RECK: variants seen among roughly 807,000 people sequenced by gnomAD.
RECK encodes reversion-inducing cysteine-rich protein with Kazal motifs.
In RECK, 69 loss-of-function variants were observed where a neutral mutation model predicts 115.1. The observed-to-expected ratio is 0.60, with a 90% CI of 0.49 to 0.73. RECK has a LOEUF of 0.73. RECK is among the 30% of genes least tolerant of loss of function. The probability of loss-of-function intolerance (pLI) is 0.00; values close to 1 mark genes in which losing one functional copy is unlikely to be tolerated. For synonymous variants in RECK, 414 were observed against 419.7 expected, an observed-to-expected ratio of 0.99 and a Z score of 0.17; for missense variants, 1,047 against 1,203.7, an observed-to-expected ratio of 0.87 and a Z score of 1.93.
At chr9:36,080,572 A>C (rs765413348) in intron 6 of RECK, 33 bp from the exon 7 acceptor site, 1 of 1,555,000 alleles carries the variant, frequency 6.4e-7, no homozygotes, top group Non-Finnish European at 8.8e-7. Context: ...CTGGTTGTTA[A>C]TTTCTGTTTA....
At chr9:36,091,911 A>C (rs1351119699) in intron 10 of RECK, among the ~76,000 whole-genome samples, 1 of 152,154 alleles carries the variant, frequency 6.6e-6, no homozygotes, top group Non-Finnish European at 1.5e-5. Flanking sequence ...AAATGAGAGA[A>C]CTCCATACAG....
chr9:36,048,571 TCA>T (rs1246719552), intron 1 of RECK, among the ~76,000 whole-genome samples: 130 of 152,274 alleles, frequency 8.5e-4, no homozygotes, highest in African/African-American at 3.0e-3. Flanking sequence ...TCAGATCTAA[TCA>T]CTATTTCACT....
intron 6 of RECK, 111 bp from the exon 7 acceptor site, chr9:36,080,494 A>G (rs1822642270): frequency 2.3e-6 from 2 of 861,650 alleles, no homozygotes; most frequent in Non-Finnish European, 3.7e-6. Flanking sequence ...GATTTAGGGA[A>G]GAATTAAATA....
rs201345507 is a variant in RECK, at chr9:36,040,810, AG to A, written c.100+3714del. 9.1e-3 allele frequency among the ~76,000 whole-genome samples: 1,316 copies of A among 144,442 alleles called. 19 individuals carry two copies. Among genetic ancestry groups the A allele is most frequent in the African/African-American group, 0.036 (1,263 of 35,408 alleles). 94.8% of individuals were successfully genotyped at this position (144,442 alleles called of 152,430 possible). ...GAAGAAGGAATTAAGGATTACTCAT[AG>A]GTTTTTTTTTTAATCATGAGCAATT... is the stretch of plus-strand genomic sequence containing the variant. On this transcript the variant is annotated intron_variant, in intron 1 of 20. Transcript: ENST00000377966.
intron 11 of RECK, among the ~76,000 whole-genome samples, chr9:36,101,464 A>G (rs1588329252): frequency 1.3e-5 from 2 of 152,334 alleles, no homozygotes; most frequent in South Asian, 2.1e-4. Flanking sequence ...GGATACCTTA[A>G]TAATTTCAAC....
chr9:36,109,883 C>G, intron 14 of RECK, 74 bp from the exon 15 acceptor site: 1 of 1,285,604 alleles, frequency 7.8e-7, no homozygotes, highest in Non-Finnish European at 1.1e-6. Context: ...ACTTGTTGAA[C>G]TATTAAAATT....
chr9:36,061,961 A>G (rs951139806), intron 4 of RECK, among the ~76,000 whole-genome samples: 2 of 152,150 alleles, frequency 1.3e-5, no homozygotes, highest in Non-Finnish European at 2.9e-5. Flanking sequence ...TTGGGGAACT[A>G]TGTTACTTAC....
chr9:36,049,540 A>G (rs1216153409), intron 1 of RECK, among the ~76,000 whole-genome samples: 1 of 152,212 alleles, frequency 6.6e-6, no homozygotes, highest in Non-Finnish European at 1.5e-5. Context: ...AAAGTTTACC[A>G]ACTTGTGTTG....
chr9:36,074,284 A>G (rs765423811), intron 6 of RECK, among the ~76,000 whole-genome samples: 1 of 152,188 alleles, frequency 6.6e-6, no homozygotes, highest in African/African-American at 2.4e-5. Context: ...GACAGAGTTC[A>G]TATAATTATC....
Position 36,048,131 on chromosome 9 carries a change from A to ATATATATATAT in RECK, c.101-4133_101-4123dup, listed in dbSNP as rs1294930146. ...ACGCACAGACACACAGGTTGAATAT[A>ATATATATATAT]TATATATATATATATATATATATAT... On this transcript the variant is annotated intron_variant, in intron 1 of 20. Coordinates refer to ENST00000377966, the MANE Select transcript of RECK (RefSeq NM_021111.3). Among the ~76,000 whole-genome samples, 3 of 54,760 alleles carry ATATATATATAT rather than the reference A, an allele frequency of 5.5e-5. 1 individual carries two copies. Among genetic ancestry groups the ATATATATATAT allele is most frequent in the African/African-American group, 1.7e-4 (3 of 17,376 alleles). The allele number at this position is 54,760 out of a possible 152,430, so 35.9% of individuals were successfully genotyped here.
chr9:36,119,022 A>T, intron 18 of RECK, 55 bp downstream of exon 18: 1 of 1,522,734 alleles, frequency 6.6e-7, no homozygotes, highest in Admixed American at 1.7e-5. Flanking sequence ...TTGCTTATCC[A>T]CCTCCAGAGA....
At chr9:36,116,179 G>T (rs1016235516) in intron 16 of RECK, among the ~76,000 whole-genome samples, 1 of 150,186 alleles carries the variant, frequency 6.7e-6, no homozygotes, top group Admixed American at 6.6e-5. Context: ...CCCAGGCTGG[G>T]GTGCAATGGC....
intron 18 of RECK, among the ~76,000 whole-genome samples, chr9:36,119,927 A>T (rs1322716918): frequency 1.3e-5 from 2 of 152,230 alleles, no homozygotes; most frequent in Non-Finnish European, 2.9e-5. Context: ...GCAGTTTAAA[A>T]TAATTTTTAA....
intron 1 of RECK, among the ~76,000 whole-genome samples, chr9:36,040,096 C>T (rs1820818519): frequency 6.6e-6 from 1 of 152,210 alleles, no homozygotes; most frequent in Non-Finnish European, 1.5e-5. Context: ...CCAAAAAATA[C>T]TATATGAGTA....
chr9:36,065,471 A>G (rs1821955994), intron 5 of RECK, 106 bp from the exon 6 acceptor site: 19 of 740,234 alleles, frequency 2.6e-5, no homozygotes, highest in Admixed American at 6.9e-5. Flanking sequence ...CCTTGATGAA[A>G]TAAAGGATAC....
chr9:36,077,522 A>C (rs1024395157), intron 6 of RECK, among the ~76,000 whole-genome samples: 1 of 152,232 alleles, frequency 6.6e-6, no homozygotes, highest in African/African-American at 2.4e-5. Flanking sequence ...GAATTTATTC[A>C]TCAAATGCTG....
chr9:36,099,365 A>T (rs1823474254), intron 10 of RECK, among the ~76,000 whole-genome samples: 1 of 152,216 alleles, frequency 6.6e-6, no homozygotes, highest in South Asian at 2.1e-4. Context: ...ATTAAGCCAG[A>T]CATTACAGAG....
intron 1 of RECK, among the ~76,000 whole-genome samples, chr9:36,050,293 A>C (rs1186700326): frequency 6.6e-6 from 1 of 152,162 alleles, no homozygotes; most frequent in Admixed American, 6.5e-5. Context: ...TTTCCATTTC[A>C]GTTAATGGTA....
intron 2 of RECK, among the ~76,000 whole-genome samples, chr9:36,058,194 A>G (rs961981585): frequency 6.6e-6 from 1 of 152,144 alleles, no homozygotes; most frequent in African/African-American, 2.4e-5. Flanking sequence ...CTATAAAGAT[A>G]CATGCACACT....
Sources: gnomAD v4.1 joint callset for allele counts (sites outside exome capture counted in the v4.1 genomes callset) on GRCh38, gnomAD v4.1.1 for gene constraint, MANE v1.5 for transcripts, NCBI Gene and HGNC (gene_info 2026-07-23, HGNC 2026-07-21) for gene names.